NLGN1: variants seen among roughly 807,000 people sequenced by gnomAD.
NLGN1 encodes the protein neuroligin-1.
In NLGN1, 12 loss-of-function variants were observed where a neutral mutation model predicts 65.5. The observed-to-expected ratio is 0.18, with a 90% CI of 0.12 to 0.30. The LOEUF (loss-of-function observed/expected upper bound fraction) is 0.30, where lower values mean the gene tolerates loss of function less well. Among genes scored for constraint, NLGN1 ranks in the 10% least tolerant of loss-of-function variants. The pLI is 1.00. For synonymous variants in NLGN1, 350 were observed against 359.5 expected (o/e 0.97, Z 0.30); for missense variants, 750 against 1,007.1 (o/e 0.74, Z 3.46).
chr3:173,972,969 G>A (rs1716609695), intron 4 of NLGN1, among the ~76,000 whole-genome samples: 1 of 152,084 alleles, frequency 6.6e-6, no homozygotes, highest in Non-Finnish European at 1.5e-5. Flanking sequence ...ACTGTTAAGA[G>A]TTTAGTGATT....
intron 4 of NLGN1, among the ~76,000 whole-genome samples, chr3:174,042,619 A>G (rs2152491175): frequency 6.6e-6 from 1 of 152,344 alleles, no homozygotes; most frequent in East Asian, 1.9e-4. Context: ...CTAACGAAAA[A>G]TAATACTATC....
intron 4 of NLGN1, among the ~76,000 whole-genome samples, chr3:174,091,696 A>C (rs34580970): frequency 0.093 from 14,211 of 152,260 alleles, 1,017 homozygotes; most frequent in East Asian, 0.35. Flanking sequence ...GTAATATATA[A>C]AGTTTAGGGT....
intron 2 of NLGN1, among the ~76,000 whole-genome samples, chr3:173,562,096 A>AAAAAT (rs1169298762): frequency 2.6e-5 from 4 of 152,192 alleles, no homozygotes; most frequent in Non-Finnish European, 5.9e-5. Flanking sequence ...ACGTGAGCCA[A>AAAAAT]AAAATAAAGG....
At chr3:173,574,705 C>G (rs1192416663) in intron 2 of NLGN1, among the ~76,000 whole-genome samples, 1 of 152,072 alleles carries the variant, frequency 6.6e-6, no homozygotes, top group East Asian at 1.9e-4. Flanking sequence ...CATGAGAGAA[C>G]ATATATTGAA....
intron 4 of NLGN1, among the ~76,000 whole-genome samples, chr3:174,098,961 G>A (rs1427970811): frequency 2.6e-5 from 4 of 152,150 alleles, no homozygotes; most frequent in Non-Finnish European, 5.9e-5. Flanking sequence ...ACTTAAATGA[G>A]ATCTCATTAA....
downstream of NLGN1, among the ~76,000 whole-genome samples, chr3:174,291,239 A>C (rs1021382977): frequency 6.6e-6 from 1 of 150,864 alleles, no homozygotes; most frequent in African/African-American, 2.4e-5. Flanking sequence ...AGTGATAAGA[A>C]GATAGAAAAA....
At chr3:173,658,468 AGGT>A (rs1760417902) in intron 3 of NLGN1, among the ~76,000 whole-genome samples, 1 of 152,018 alleles carries the variant, frequency 6.6e-6, no homozygotes. Context: ...TTCCATTCTC[AGGT>A]AGTCCTACTT....
chr3:173,421,083 TAATAC>T (rs1193592929), intron 1 of NLGN1, among the ~76,000 whole-genome samples: 1 of 152,168 alleles, frequency 6.6e-6, no homozygotes, highest in African/African-American at 2.4e-5. Context: ...TTAAAAATAA[TAATAC>T]AATTGTTATA....
chr3:173,509,197 C>A (rs1387781431), intron 2 of NLGN1, among the ~76,000 whole-genome samples: 1 of 152,124 alleles, frequency 6.6e-6, no homozygotes, highest in Non-Finnish European at 1.5e-5. Context: ...AAGTAAAATT[C>A]TAACATAACC....
At chr3:173,808,292 G>T (rs550527797) in intron 4 of NLGN1, among the ~76,000 whole-genome samples, 1 of 152,038 alleles carries the variant, frequency 6.6e-6, no homozygotes, top group South Asian at 2.1e-4. Flanking sequence ...TGTTATTTTG[G>T]TTCCATAATA....
chr3:173,798,232 A>G (rs1400498126), intron 3 of NLGN1, among the ~76,000 whole-genome samples: 1 of 152,184 alleles, frequency 6.6e-6, no homozygotes, highest in Non-Finnish European at 1.5e-5. Context: ...ATTGGAAAGT[A>G]GATAGTGGTT....
chr3:173,664,939 G>T (rs1006866079), intron 3 of NLGN1, among the ~76,000 whole-genome samples: 5 of 152,068 alleles, frequency 3.3e-5, no homozygotes, highest in Non-Finnish European at 7.4e-5. Context: ...GTTCTTTAAT[G>T]TCAGGGGTAA....
chr3:173,402,469 A>G (rs1278624864), intron 1 of NLGN1, among the ~76,000 whole-genome samples: 1 of 152,180 alleles, frequency 6.6e-6, no homozygotes, highest in East Asian at 1.9e-4. Flanking sequence ...CCTGCAAGTA[A>G]CAGAGTACCC....
intron 2 of NLGN1, among the ~76,000 whole-genome samples, chr3:173,463,190 C>A (rs1723697708): frequency 6.6e-6 from 1 of 152,122 alleles, no homozygotes; most frequent in Non-Finnish European, 1.5e-5. Context: ...GTAACCTCTA[C>A]CCAAACATCA....
chr3:174,013,443 A>G (rs547096550), intron 4 of NLGN1, among the ~76,000 whole-genome samples: 6 of 152,228 alleles, frequency 3.9e-5, no homozygotes, highest in Non-Finnish European at 5.9e-5. Flanking sequence ...TCTGCAAAAT[A>G]ATAATATTTT....
chr3:174,144,497 T>G (rs555737223), intron 4 of NLGN1, among the ~76,000 whole-genome samples: 1 of 152,222 alleles, frequency 6.6e-6, no homozygotes, highest in Non-Finnish European at 1.5e-5. Context: ...CCACACTGTC[T>G]TCCACAACGG....
intron 4 of NLGN1, among the ~76,000 whole-genome samples, chr3:174,172,978 C>A (rs1488941763): frequency 1.3e-5 from 2 of 151,992 alleles, no homozygotes; most frequent in African/African-American, 4.8e-5. Context: ...ATTTTTGTGT[C>A]CTCTGCAATT....
intron 3 of NLGN1, among the ~76,000 whole-genome samples, chr3:173,805,409 A>G (rs1329235940): frequency 6.6e-6 from 1 of 152,192 alleles, no homozygotes; most frequent in Non-Finnish European, 1.5e-5. Context: ...AACCCAGACT[A>G]TCAGTAATCC....
intron 4 of NLGN1, among the ~76,000 whole-genome samples, chr3:174,099,287 G>A (rs905819362): frequency 2.6e-5 from 4 of 151,486 alleles, no homozygotes; most frequent in South Asian, 2.1e-4. Flanking sequence ...TGTAAGCATC[G>A]TGAATGAATT....
Sources: allele counts gnomAD v4.1 joint callset (sites outside exome capture counted in the v4.1 genomes callset), GRCh38; gene constraint gnomAD v4.1.1; transcripts MANE v1.5; gene names NCBI Gene and HGNC (gene_info 2026-07-23, HGNC 2026-07-21).